SLC35F1: variants seen among roughly 807,000 people sequenced by gnomAD.
SLC35F1 encodes chromosome 6 open reading frame 169.
In SLC35F1, 14 loss-of-function variants were observed where a neutral mutation model predicts 48.7. That is an observed-to-expected ratio of 0.29 (90% CI 0.19 to 0.45). SLC35F1 has a LOEUF of 0.45. Among genes scored for constraint, SLC35F1 ranks in the 20% least tolerant of loss-of-function variants. The probability of loss-of-function intolerance (pLI) is 1.00; values close to 1 mark genes in which losing one functional copy is unlikely to be tolerated. For synonymous variants in SLC35F1, 190 were observed against 202.2 expected (o/e 0.94, Z 0.51); for missense variants, 404 against 500.0 (o/e 0.81, Z 1.83).
At chr6:118,273,738 C>T (rs1030234461) in intron 4 of SLC35F1, among the ~76,000 whole-genome samples, 3 of 152,186 alleles carry the variant, frequency 2.0e-5, no homozygotes, top group Non-Finnish European at 4.4e-5. Context: ...CTCATTAGGG[C>T]CTCATCAGAT....
chr6:118,149,862 C>T (rs780954224), intron 1 of SLC35F1, among the ~76,000 whole-genome samples: 1 of 152,174 alleles, frequency 6.6e-6, no homozygotes, highest in Non-Finnish European at 1.5e-5. Context: ...GAAGAGTTTT[C>T]ATCAGAGGGT....
At chr6:117,968,503 G>A (rs1415760198) in intron 1 of SLC35F1, among the ~76,000 whole-genome samples, 1 of 152,088 alleles carries the variant, frequency 6.6e-6, no homozygotes, top group African/African-American at 2.4e-5. Context: ...GAAGGCTTGG[G>A]GAGTGCCAAA....
At chr6:118,053,334 G>T (rs1298684991) in intron 1 of SLC35F1, among the ~76,000 whole-genome samples, 1 of 152,080 alleles carries the variant, frequency 6.6e-6, no homozygotes, top group Non-Finnish European at 1.5e-5. Flanking sequence ...ATTCTATAGA[G>T]AGCAGGCCAG....
chr6:118,290,054 T>G (rs1234683096), intron 7 of SLC35F1, among the ~76,000 whole-genome samples: 2 of 152,208 alleles, frequency 1.3e-5, no homozygotes, highest in East Asian at 3.8e-4. Flanking sequence ...CACCCAGTAG[T>G]GAGAATCAAA....
At chr6:118,305,470 C>G (rs1373090087) in intron 7 of SLC35F1, among the ~76,000 whole-genome samples, 1 of 152,136 alleles carries the variant, frequency 6.6e-6, no homozygotes, top group East Asian at 1.9e-4. Flanking sequence ...CCCTTTTCAA[C>G]TTGGCATCAA....
intron 1 of SLC35F1, among the ~76,000 whole-genome samples, chr6:118,095,058 G>A (rs901880013): frequency 4.6e-5 from 7 of 152,312 alleles, no homozygotes; most frequent in African/African-American, 1.7e-4. Context: ...CTTGAACCCA[G>A]GAGGCGGAGG....
chr6:118,088,311 TA>T (rs1562286028), intron 1 of SLC35F1, among the ~76,000 whole-genome samples: 1 of 152,194 alleles, frequency 6.6e-6, no homozygotes. Flanking sequence ...CTACAATTTG[TA>T]AGTATTTCCA....
intron 1 of SLC35F1, among the ~76,000 whole-genome samples, chr6:118,030,371 C>T (rs1239249238): frequency 6.6e-6 from 1 of 151,532 alleles, no homozygotes; most frequent in Admixed American, 6.6e-5. Context: ...AGCACATTAT[C>T]ATCTGTTGTT....
chr6:118,153,672 G>A (rs893587705), intron 1 of SLC35F1, among the ~76,000 whole-genome samples: 2 of 152,138 alleles, frequency 1.3e-5, no homozygotes, highest in African/African-American at 4.8e-5. Flanking sequence ...TGTAGTCCCT[G>A]CTACAGAGGT....
chr6:117,968,648 T>A (rs1056329757), intron 1 of SLC35F1, among the ~76,000 whole-genome samples: 17 of 152,198 alleles, frequency 1.1e-4, no homozygotes, highest in African/African-American at 3.4e-4. Flanking sequence ...TGGTTTGGGA[T>A]ATCTAATACC....
At chr6:117,930,392 C>T (rs556905940) in intron 1 of SLC35F1, among the ~76,000 whole-genome samples, 32 of 152,238 alleles carry the variant, frequency 2.1e-4, no homozygotes, top group African/African-American at 7.5e-4. Context: ...TAGAAATGGG[C>T]TTTCCTCTTC....
chr6:117,939,946 T>TG (rs1306474084), intron 1 of SLC35F1, among the ~76,000 whole-genome samples: 1 of 152,102 alleles, frequency 6.6e-6, no homozygotes, highest in Non-Finnish European at 1.5e-5. Flanking sequence ...GAAGGTAGAA[T>TG]GGGCAAATGA....
At chr6:118,023,494 C>T (rs540510061) in intron 1 of SLC35F1, among the ~76,000 whole-genome samples, 24 of 152,156 alleles carry the variant, frequency 1.6e-4, no homozygotes, top group South Asian at 8.3e-4. Flanking sequence ...TTCCTTTCCC[C>T]TCTTCTTTTC....
chr6:118,314,259 GC>G lies in SLC35F1; in HGVS notation c.*10del, dbSNP rs749200484. 6.2e-7 allele frequency: 1 copy of G among 1,613,434 alleles called. No individual in the cohort carries two copies. The highest frequency in any genetic ancestry group is 8.5e-7 in the Non-Finnish European group (1 of 1,179,450). On this transcript the variant is annotated 3_prime_UTR_variant, in exon 8 of 8. Transcript: ENST00000360388. Reference sequence around the variant, plus strand: ...TCATGTTCGTGTGGCCTAGGGTGAGGCCCGCCCTGCCAACTGAGGCCAACTC... The same window carrying G: ...TCATGTTCGTGTGGCCTAGGGTGAGGCCGCCCTGCCAACTGAGGCCAACTC...
At chr6:117,937,711 T>TTTATCC (rs1331855334) in intron 1 of SLC35F1, among the ~76,000 whole-genome samples, 1 of 152,182 alleles carries the variant, frequency 6.6e-6, no homozygotes, top group Non-Finnish European at 1.5e-5. Context: ...TACTGCTGCT[T>TTTATCC]TTATCCTTAG....
chr6:118,245,843 C>T (rs1562338062), intron 3 of SLC35F1, among the ~76,000 whole-genome samples: 2 of 151,948 alleles, frequency 1.3e-5, no homozygotes, highest in African/African-American at 4.8e-5. Context: ...AAACCTGGTG[C>T]TTTTTTTTGG....
At chr6:118,011,270 A>G (rs1197797966) in intron 1 of SLC35F1, among the ~76,000 whole-genome samples, 1 of 152,196 alleles carries the variant, frequency 6.6e-6, no homozygotes, top group Non-Finnish European at 1.5e-5. Context: ...AATAGGTTTA[A>G]TTGGCTCACA....
intron 4 of SLC35F1, among the ~76,000 whole-genome samples, chr6:118,270,264 C>T (rs968890198): frequency 1.8e-4 from 27 of 152,226 alleles, no homozygotes; most frequent in African/African-American, 6.3e-4. Flanking sequence ...CATTAGCTAT[C>T]CAGAAATTCT....
chr6:118,236,170 T>G (rs2114584268), intron 3 of SLC35F1, among the ~76,000 whole-genome samples: 1 of 152,300 alleles, frequency 6.6e-6, no homozygotes, highest in South Asian at 2.1e-4. Flanking sequence ...GAGTCAATTC[T>G]TAAAATGTGT....
Sources: allele counts gnomAD v4.1 joint callset (sites outside exome capture counted in the v4.1 genomes callset), GRCh38; gene constraint gnomAD v4.1.1; transcripts MANE v1.5; gene names NCBI Gene and HGNC (gene_info 2026-07-23, HGNC 2026-07-21).